The following CDC42BPA variants were observed in gnomAD, a reference collection of about 807,000 sequenced individuals.
CDC42BPA encodes the protein CDC42 binding protein kinase alpha.
Under a neutral mutation model 223.5 loss-of-function variants are expected in CDC42BPA, and 80 were observed. That is an observed-to-expected ratio of 0.36 (90% confidence interval 0.30 to 0.43). The LOEUF is 0.43. Ranked by LOEUF, CDC42BPA falls within the 20% of genes least tolerant of loss-of-function variation. CDC42BPA has a pLI of 1.00. For synonymous variants in CDC42BPA, 694 were observed against 718.6 expected (o/e 0.97, Z 0.55); for missense variants, 1,743 against 2,099.9 (o/e 0.83, Z 3.32).
intron 1 of CDC42BPA, among the ~76,000 whole-genome samples, chr1:227,265,796 T>C (rs1397103044): frequency 6.6e-6 from 1 of 152,148 alleles, no homozygotes; most frequent in Non-Finnish European, 1.5e-5. Flanking sequence ...TAAGTGAATG[T>C]TTTTCTTCTA....
chr1:227,218,673 T>C (rs920201205), intron 2 of CDC42BPA, among the ~76,000 whole-genome samples: 4 of 152,300 alleles, frequency 2.6e-5, no homozygotes, highest in Admixed American at 1.3e-4. Context: ...TGAATAGTTA[T>C]ATAAGTACTG....
intron 2 of CDC42BPA, among the ~76,000 whole-genome samples, chr1:227,217,828 A>G (rs2718191): frequency 0.83 from 126,382 of 152,104 alleles, 52,646 homozygotes; most frequent in South Asian, 0.88. Context: ...AAGCCACACA[A>G]CTTTCTCTCT....
At chr1:227,036,488 G>A (rs1270107715) in intron 24 of CDC42BPA, among the ~76,000 whole-genome samples, 10 of 144,986 alleles carry the variant, frequency 6.9e-5, no homozygotes, top group Non-Finnish European at 1.5e-4. Context: ...GAGTGCGGTG[G>A]TGCAATCTCG....
In CDC42BPA at chr1:227,030,396, GT is replaced by G; in HGVS notation, c.3838+11del. 2.6e-6 allele frequency: 4 copies of G among 1,531,910 alleles called. No individual in the cohort carries two copies. The highest frequency in any genetic ancestry group is 1.2e-5 in the South Asian group (1 of 82,432). 94.9% of individuals were successfully genotyped at this position (1,531,910 alleles called of 1,614,324 possible). On this transcript the variant is annotated intron_variant, in intron 29 of 36. Coordinates refer to ENST00000366766, the MANE Select transcript of CDC42BPA (RefSeq NM_001394014.1). Reference sequence around the variant, plus strand: ...TTTAAAATTACTCCAAAAAAAAAAAGTTTTCTCTTACCATCTTTGGTGACAT... The same window carrying G: ...TTTAAAATTACTCCAAAAAAAAAAAGTTTCTCTTACCATCTTTGGTGACAT...
intron 12 of CDC42BPA, among the ~76,000 whole-genome samples, chr1:227,114,207 G>C (rs1273556790): frequency 1.3e-5 from 2 of 151,958 alleles, no homozygotes; most frequent in Non-Finnish European, 2.9e-5. Context: ...CAGAGGGAAA[G>C]AAAGACAAAT....
At chr1:227,278,183 G>A (rs113944106) in intron 1 of CDC42BPA, among the ~76,000 whole-genome samples, 52 of 152,196 alleles carry the variant, frequency 3.4e-4, no homozygotes, top group Non-Finnish European at 6.6e-4. Flanking sequence ...TTTTTCTGTT[G>A]TTGTTACACT....
intron 34 of CDC42BPA, among the ~76,000 whole-genome samples, chr1:227,006,476 T>C (rs1664071571): frequency 6.6e-6 from 1 of 152,196 alleles, no homozygotes; most frequent in Non-Finnish European, 1.5e-5. Context: ...ATTATGAGGA[T>C]AAGAACTGCC....
chr1:227,048,040 T>C (rs182683882), intron 22 of CDC42BPA, 30 bp from the exon 23 acceptor site: 302 of 1,376,700 alleles, frequency 2.2e-4, no homozygotes, highest in Non-Finnish European at 2.9e-4. Context: ...AGGAAATAAA[T>C]GTCATGAAAC....
intron 3 of CDC42BPA, among the ~76,000 whole-genome samples, chr1:227,200,734 T>C (rs2150229912): frequency 6.6e-6 from 1 of 152,264 alleles, no homozygotes; most frequent in East Asian, 1.9e-4. Context: ...GAAGTAGAAA[T>C]GCTAAATGAA....
intron 21 of CDC42BPA, among the ~76,000 whole-genome samples, chr1:227,062,870 A>G (rs1676217465): frequency 6.6e-6 from 1 of 152,032 alleles, no homozygotes; most frequent in African/African-American, 2.4e-5. Flanking sequence ...CTACTTCTAG[A>G]CTAGAGTCTG....
chr1:227,242,074 C>T (rs1343581075), intron 2 of CDC42BPA, among the ~76,000 whole-genome samples: 2 of 151,964 alleles, frequency 1.3e-5, no homozygotes, highest in Non-Finnish European at 2.9e-5. Context: ...CAAATCAAAC[C>T]CAACTATATA....
chr1:227,220,666 G>GT (rs1345225335), intron 2 of CDC42BPA, among the ~76,000 whole-genome samples: 1 of 135,468 alleles, frequency 7.4e-6, no homozygotes, highest in Admixed American at 7.6e-5. Flanking sequence ...AACTCTAAAT[G>GT]TTTTTGCGCT....
chr1:227,191,703 T>C (rs556805232), intron 5 of CDC42BPA, among the ~76,000 whole-genome samples: 4 of 152,142 alleles, frequency 2.6e-5, no homozygotes, highest in African/African-American at 9.6e-5. Context: ...CGAAATAGTA[T>C]TTTCTGTAAG....
At chr1:227,156,024 G>A (rs1662681019) in intron 6 of CDC42BPA, among the ~76,000 whole-genome samples, 3 of 152,036 alleles carry the variant, frequency 2.0e-5, no homozygotes, top group South Asian at 4.1e-4. Context: ...CTGAACTTGC[G>A]TGGGTGATAG....
intron 10 of CDC42BPA, among the ~76,000 whole-genome samples, chr1:227,132,655 TGCC>T (rs1204136661): frequency 6.7e-6 from 1 of 148,662 alleles, no homozygotes; most frequent in African/African-American, 2.5e-5. Context: ...GGATCGTCTC[TGCC>T]CGGCCGCCAT....
chr1:227,029,499 G>A (rs536888877), intron 29 of CDC42BPA, among the ~76,000 whole-genome samples: 6 of 152,144 alleles, frequency 3.9e-5, no homozygotes, highest in South Asian at 2.1e-4. Flanking sequence ...GTAAAAGTAT[G>A]CCAAATCTTC....
intron 17 of CDC42BPA, among the ~76,000 whole-genome samples, chr1:227,076,674 T>C (rs754073094): frequency 6.6e-6 from 1 of 152,210 alleles, no homozygotes; most frequent in Admixed American, 6.5e-5. Flanking sequence ...TTTGGCTAAA[T>C]CATTCAAATA....
At chr1:227,278,852 G>T (rs1421062413) in intron 1 of CDC42BPA, among the ~76,000 whole-genome samples, 1 of 151,992 alleles carries the variant, frequency 6.6e-6, no homozygotes, top group African/African-American at 2.4e-5. Flanking sequence ...GACATTCTTG[G>T]AATTTTTAGC....
intron 12 of CDC42BPA, among the ~76,000 whole-genome samples, chr1:227,119,273 G>A (rs1415446455): frequency 2.0e-5 from 3 of 151,996 alleles, no homozygotes; most frequent in Non-Finnish European, 4.4e-5. Context: ...CAGAGGCTTA[G>A]CTATCAATAA....
Sources: allele counts gnomAD v4.1 joint callset (sites outside exome capture counted in the v4.1 genomes callset), GRCh38; gene constraint gnomAD v4.1.1; transcripts MANE v1.5; gene names NCBI Gene and HGNC (gene_info 2026-07-23, HGNC 2026-07-21).